Variants in UBR4 observed in about 807,000 individuals in gnomAD.
The protein encoded by UBR4 is ubiquitin protein ligase E3 component n-recognin 4.
UBR4 carries 124 observed loss-of-function variants against 575.6 expected under a neutral mutation model. The observed-to-expected ratio is 0.22, with a 90% confidence interval of 0.19 to 0.25. The LOEUF is 0.25. Among genes scored for constraint, UBR4 ranks in the 10% least tolerant of loss-of-function variants. UBR4 has a pLI of 1.00. For synonymous variants in UBR4, 2,455 were observed against 2,473.7 expected (o/e 0.99, Z 0.22); for missense variants, 4,818 against 6,478.8 (o/e 0.74, Z 8.80).
chr1:19,107,153 G>C (rs2079304086), intron 81 of UBR4, among the ~76,000 whole-genome samples, 187 bp from the exon 82 acceptor site: 1 of 152,182 alleles, frequency 6.6e-6, no homozygotes, highest in Non-Finnish European at 1.5e-5. Flanking sequence ...TTTAGCAGCA[G>C]CATCTCCACA....
Position 19,173,016 on chromosome 1 carries a change from G to A in UBR4, c.3369C>T (p.Thr1123=). 2 of 1,614,164 alleles carry A rather than the reference G, an allele frequency of 1.2e-6. No homozygotes were observed. The highest frequency in any genetic ancestry group is 1.1e-5 in the South Asian group (1 of 91,078). The change falls in exon 25 of 106, where the codon ACC becomes ACT. Residue 1123 remains threonine (T), a synonymous_variant. Transcript: ENST00000375254. ...GGACCTTTGAGATCGCGGCATCAAG[G>A]GTGTAGATGGACTGCAGACTGGGAA... The part of the protein sequence containing the change: ...HEIPSLQSIY[T]LDAAISKVQV...
At chr1:19,155,135 G>A in intron 43 of UBR4, 60 bp from the exon 44 acceptor site, 2 of 1,596,468 alleles carry the variant, frequency 1.3e-6, no homozygotes, top group Non-Finnish European at 8.6e-7. Context: ...CCAACTTCCG[G>A]TTTATACTGG....
At chr1:19,176,006 C>T (rs1334266429) in intron 20 of UBR4, among the ~76,000 whole-genome samples, 1 of 152,110 alleles carries the variant, frequency 6.6e-6, no homozygotes, top group African/African-American at 2.4e-5. Flanking sequence ...AGGCTGATCT[C>T]AAATTCCTGG....
At chr1:19,183,778 G>A (rs765826432) in intron 17 of UBR4, 33 bp downstream of exon 17, 4 of 1,602,682 alleles carry the variant, frequency 2.5e-6, no homozygotes, top group African/African-American at 2.7e-5. Flanking sequence ...GGTGTCATGA[G>A]CTCTTGCCTA....
At chr1:19,156,548 T>C in intron 41 of UBR4, 125 bp from the exon 42 acceptor site, 1 of 1,299,190 alleles carries the variant, frequency 7.7e-7, no homozygotes, top group Non-Finnish European at 1.0e-6. Flanking sequence ...ATTTAGACTG[T>C]CTAGTAACAT....
chr1:19,196,619 C>T (rs1025344741), intron 8 of UBR4, among the ~76,000 whole-genome samples: 2 of 152,154 alleles, frequency 1.3e-5, no homozygotes, highest in African/African-American at 4.8e-5. Context: ...TTTATGGAAG[C>T]TTAAAGAATA....
At chr1:19,147,053 A>G in intron 51 of UBR4, 53 bp from the exon 52 acceptor site, 5 of 1,512,784 alleles carry the variant, frequency 3.3e-6, no homozygotes, top group Non-Finnish European at 4.4e-6. Context: ...GCTGGGTACA[A>G]AAGCAAAGAG....
At chr1:19,094,427 A>G (rs917029302) in intron 94 of UBR4, among the ~76,000 whole-genome samples, 1 of 152,228 alleles carries the variant, frequency 6.6e-6, no homozygotes, top group African/African-American at 2.4e-5. Flanking sequence ...TCACTTGGTC[A>G]TAGCTCTAGC....
chr1:19,153,895 G>T lies in UBR4; in HGVS notation c.6503C>A (p.Ser2168Tyr), dbSNP rs768620750. The change falls in exon 45 of 106, where the codon TCT (serine) becomes TAT (tyrosine). Residue 2168 changes from serine to tyrosine, a missense_variant. Ser to Tyr is a moderately radical substitution (Grantham distance 144). Around this residue, in one of 29 missense-constraint regions of UBR4, gnomAD observed 461 missense variants for 606.9 expected, o/e 0.76. Transcript: ENST00000375254. The surrounding 1 kb of genome is among the most constrained non-coding windows in gnomAD (Gnocchi z 4.1). ...CAAGCCAGGGTGGTTCATCACCTCAGACCACTGGCAAAGAGCAGGAGAAGT... is the reference window on the plus strand; with the variant it reads ...CAAGCCAGGGTGGTTCATCACCTCATACCACTGGCAAAGAGCAGGAGAAGT... ...SKTSPALCQW[S>Y]EVMNHPGLVC... 2.0e-5 allele frequency: 33 copies of T among 1,614,064 alleles called. No individual in the cohort carries two copies. Among genetic ancestry groups the T allele is most frequent in the Non-Finnish European group, 2.6e-5 (31 of 1,180,034 alleles).
At chr1:19,129,844 T>C (rs1483890319) in intron 60 of UBR4, among the ~76,000 whole-genome samples, 2 of 152,234 alleles carry the variant, frequency 1.3e-5, no homozygotes, top group South Asian at 4.1e-4. Context: ...ATTAAGAATC[T>C]AGTTGCTGAA....
chr1:19,120,537 CAT>C (rs1301237654), intron 68 of UBR4, among the ~76,000 whole-genome samples, 189 bp from the exon 69 acceptor site: 1 of 152,222 alleles, frequency 6.6e-6, no homozygotes, highest in Non-Finnish European at 1.5e-5. Context: ...CCAAATGAGA[CAT>C]ATGTGTAACG....
intron 18 of UBR4, 58 bp downstream of exon 18, chr1:19,178,993 C>T (rs769762974): frequency 1.3e-6 from 2 of 1,583,340 alleles, no homozygotes; most frequent in South Asian, 2.3e-5. Flanking sequence ...ACAAAGAAGT[C>T]AAACAAATAA....
chr1:19,176,282 T>C (rs1210217667), intron 20 of UBR4, among the ~76,000 whole-genome samples: 2 of 151,728 alleles, frequency 1.3e-5, no homozygotes, highest in African/African-American at 2.4e-5. Context: ...TCAGTAGAGA[T>C]GGGGTTTCAC....
chr1:19,169,375 G>T, intron 27 of UBR4, 60 bp downstream of exon 27: 1 of 1,466,422 alleles, frequency 6.8e-7, no homozygotes, highest in South Asian at 1.3e-5. Flanking sequence ...TTAGGCTTAA[G>T]AACAAAAGAC....
In UBR4 at chr1:19,143,988, G is replaced by A; in HGVS notation, c.8171C>T (p.Thr2724Ile). Residue 2724 changes from threonine to isoleucine, a missense_variant, in exon 55 of 106, where the codon ACT (threonine) becomes ATT (isoleucine). Physicochemically the swap from Thr to Ile is moderately conservative, Grantham distance 89. Transcript: ENST00000375254. Reference sequence around the variant, plus strand: ...CCCAGACCTCATATTACCCATTGGAGTGTTGCTTCGAGGGGAAGAGGGTAA... The same window carrying A: ...CCCAGACCTCATATTACCCATTGGAATGTTGCTTCGAGGGGAAGAGGGTAA... ...VTLPSSPRSN[T>I]PMGDKDDDDD... 6.2e-7 allele frequency: 1 copy of A among 1,613,598 alleles called. No homozygotes were observed. Among genetic ancestry groups the A allele is most frequent in the African/African-American group, 1.3e-5 (1 of 75,016 alleles).
In UBR4 at chr1:19,187,308, G is replaced by C. The variant is rs74056786; in HGVS notation, c.1495-7C>G. 3,039 of 1,612,004 alleles carry C rather than the reference G, an allele frequency of 1.9e-3. 46 individuals carry two copies. The African/African-American group carries it at 0.036, about 19-fold the overall frequency. ...GGCCATCTGTCTCCCAACCCTGAAG[G>C]CAATGATATCAAAGGGCAATTAATG... On this transcript the variant is annotated splice_region_variant and splice_polypyrimidine_tract_variant and intron_variant, in intron 12 of 105. Coordinates refer to ENST00000375254, the MANE Select transcript of UBR4 (RefSeq NM_020765.3).
chr1:19,089,089 G>T lies in UBR4; in HGVS notation c.14212-112C>A. 9.5e-7 allele frequency: 1 copy of T among 1,047,498 alleles called. No homozygotes were observed. Among genetic ancestry groups the T allele is most frequent in the Non-Finnish European group, 1.4e-6 (1 of 716,208 alleles). The allele number at this position is 1,047,498 out of a possible 1,614,324, so 64.9% of individuals were successfully genotyped here. ...CAGCATGCACCATCTCATGTCACCTGCTCAGCTGCAATCAGGTCCTTTGAT... is the reference window on the plus strand; with the variant it reads ...CAGCATGCACCATCTCATGTCACCTTCTCAGCTGCAATCAGGTCCTTTGAT... On this transcript the variant is annotated intron_variant, in intron 97 of 105. Transcript: ENST00000375254. This position sits in a 1 kb window ranked among gnomAD's most constrained non-coding sequence, Gnocchi z 4.3.
intron 60 of UBR4, among the ~76,000 whole-genome samples, chr1:19,129,464 T>C (rs2082181807): frequency 6.6e-6 from 1 of 152,200 alleles, no homozygotes; most frequent in East Asian, 1.9e-4. Flanking sequence ...CCAGACATTA[T>C]TTTCTAGAAT....
chr1:19,101,464 T>A, intron 88 of UBR4, 56 bp downstream of exon 88: 2 of 1,553,576 alleles, frequency 1.3e-6, no homozygotes, highest in Non-Finnish European at 1.8e-6. Context: ...AGAGGCTTCA[T>A]GGCAAAGTGG....
Sources: allele counts gnomAD v4.1 joint callset (sites outside exome capture counted in the v4.1 genomes callset), GRCh38; gene constraint gnomAD v4.1.1; regional missense constraint gnomAD v4.1.1; non-coding constraint Gnocchi (gnomAD v3.1); transcripts MANE v1.5; gene names NCBI Gene and HGNC (gene_info 2026-07-23, HGNC 2026-07-21).